The following KAT6A variants were observed in gnomAD, a reference collection of about 807,000 sequenced individuals.
The protein encoded by KAT6A is histone acetyltransferase KAT6A.
A neutral mutation model predicts 198.4 loss-of-function variants in KAT6A; 9 were observed. That is an observed-to-expected ratio of 0.05 (90% CI 0.03 to 0.08). The LOEUF (loss-of-function observed/expected upper bound fraction) is 0.08, where lower values mean the gene tolerates loss of function less well. Among genes scored for constraint, KAT6A ranks in the 10% least tolerant of loss-of-function variants. KAT6A has a pLI of 1.00. For missense variants in KAT6A, 2,077 were observed against 2,509.9 expected (o/e 0.83, Z 3.69); for synonymous variants, 890 against 883.0 (o/e 1.01, Z -0.14).
intron 3 of KAT6A, among the ~76,000 whole-genome samples, chr8:41,984,387 T>C (rs1028710830): frequency 5.9e-5 from 9 of 152,168 alleles, no homozygotes; most frequent in Non-Finnish European, 1.2e-4. Flanking sequence ...GATGTCCACA[T>C]GGCACGGAAC....
intron 2 of KAT6A, among the ~76,000 whole-genome samples, chr8:42,038,461 T>C (rs1292950396): frequency 6.6e-6 from 1 of 152,246 alleles, no homozygotes; most frequent in Non-Finnish European, 1.5e-5. Context: ...TATTCTATGG[T>C]TTCCATTAAG....
In KAT6A at chr8:41,931,204, A is replaced by C. The variant is rs1821524387; in HGVS notation, c.*1001T>G. The C allele has an allele frequency of 4.5e-6, 1 of 222,570 alleles. No individual in the cohort carries two copies. The highest frequency in any genetic ancestry group is 6.5e-5 in the East Asian group (1 of 15,308). 13.8% of individuals were successfully genotyped at this position (222,570 alleles called of 1,614,324 possible). The stretch of plus-strand genomic sequence containing the variant: ...CTGCTATTTGAGTTTTATCAGTCAA[A>C]GGCTCAAGCATCAAGACCCTCAGTT... On this transcript the variant is annotated 3_prime_UTR_variant, in exon 17 of 17. Coordinates refer to ENST00000265713, the MANE Select transcript of KAT6A (RefSeq NM_006766.5).
At chr8:41,976,821 T>C (rs919095940) in intron 7 of KAT6A, among the ~76,000 whole-genome samples, 187 bp downstream of exon 7, 6 of 152,228 alleles carry the variant, frequency 3.9e-5, no homozygotes, top group African/African-American at 1.2e-4. Context: ...TGCAACTTTA[T>C]TTCCATCCTC....
intron 2 of KAT6A, among the ~76,000 whole-genome samples, chr8:42,034,995 G>A (rs1827299434): frequency 6.6e-6 from 1 of 152,196 alleles, no homozygotes; most frequent in African/African-American, 2.4e-5. Context: ...TCATTTCTTA[G>A]TAAGATCATT....
chr8:42,000,483 A>C (rs1825439362), intron 2 of KAT6A, among the ~76,000 whole-genome samples: 1 of 151,162 alleles, frequency 6.6e-6, no homozygotes, highest in African/African-American at 2.4e-5. Context: ...CCCAGGAAGC[A>C]GAGGTTGCAG....
intron 6 of KAT6A, 71 bp from the exon 7 acceptor site, chr8:41,977,398 C>T (rs1824115767): frequency 2.0e-6 from 2 of 1,009,878 alleles, no homozygotes; most frequent in South Asian, 1.7e-5. Context: ...TAATACATAA[C>T]ATATAATTAG....
At chr8:41,954,665 T>C (rs1822840595) in intron 9 of KAT6A, among the ~76,000 whole-genome samples, 2 of 152,196 alleles carry the variant, frequency 1.3e-5, no homozygotes, top group African/African-American at 4.8e-5. Context: ...CCCCACGAAG[T>C]AAGTACTATT....
intron 5 of KAT6A, 79 bp downstream of exon 5, chr8:41,980,767 T>C (rs113547013): frequency 1.0e-6 from 1 of 977,190 alleles, no homozygotes; most frequent in African/African-American, 1.6e-5. Context: ...TATTATTTCA[T>C]TTAACAAAGT....
rs776847996 is a variant in KAT6A at position 41,980,857 on chromosome 8, C to A, written c.896G>T (p.Arg299Leu). Residue 299 changes from arginine (R) to leucine (L), a missense_variant, in exon 5 of 17, where the codon CGT becomes CTT. This residue lies in a region of KAT6A where 89 missense variants were observed against 154.4 expected (regional missense o/e 0.58). Transcript: ENST00000265713. Reference protein sequence around the residue: ...HMECCDPPLTRMPKGMWICQI... With the variant: ...HMECCDPPLTLMPKGMWICQI... ...AAAGTATTTCTCACCTTTTGGCATA[C>A]GGGTGAGTGGCGGATCACAACACTC... is the stretch of plus-strand genomic sequence containing the variant. 3 of 1,610,314 alleles carry A rather than the reference C, an allele frequency of 1.9e-6. No homozygotes were observed. Among genetic ancestry groups the A allele is most frequent in the South Asian group, 2.2e-5 (2 of 91,010 alleles).
chr8:41,961,550 C>T (rs1252733262), intron 8 of KAT6A, among the ~76,000 whole-genome samples: 1 of 152,030 alleles, frequency 6.6e-6, no homozygotes, highest in African/African-American at 2.4e-5. Flanking sequence ...GTCAAGAGAT[C>T]GAGACCATCC....
rs1821518378 is a variant in KAT6A, at chr8:41,931,087, T to G, written c.*1118A>C. On this transcript the variant is annotated 3_prime_UTR_variant, in exon 17 of 17. Coordinates refer to ENST00000265713, the MANE Select transcript of KAT6A (RefSeq NM_006766.5). The stretch of plus-strand genomic sequence containing the variant: ...CTCTTCCAACATAAAATAAACTGTT[T>G]CAATGGTTTGTCAGTTATTTTTCAA... 4.5e-6 allele frequency: 1 copy of G among 221,578 alleles called. No individual in the cohort carries two copies. Among genetic ancestry groups the G allele is most frequent in the South Asian group, 1.8e-4 (1 of 5,422 alleles). 13.7% of individuals were successfully genotyped at this position (221,578 alleles called of 1,614,324 possible).
At chr8:42,046,536 T>C (rs1280649545) in intron 2 of KAT6A, among the ~76,000 whole-genome samples, 2 of 152,040 alleles carry the variant, frequency 1.3e-5, no homozygotes, top group Non-Finnish European at 2.9e-5. Flanking sequence ...GTCTCAAAAA[T>C]AAATAAATAA....
In KAT6A at chr8:42,008,128, T is replaced by C. The variant is rs557032868; in HGVS notation, c.601-20565A>G. On this transcript the variant is annotated intron_variant, in intron 2 of 16. Coordinates refer to ENST00000265713, the MANE Select transcript of KAT6A (RefSeq NM_006766.5). ...ATAAAACAAACATTTGCAAATTCTG[T>C]ACTACTTAACCCCCCAAAAAAAACC... Among the ~76,000 whole-genome samples the C allele has an allele frequency of 5.3e-5, 8 of 152,206 alleles. 1 individual carries two copies. In the South Asian group the frequency reaches 1.5e-3, roughly 28 times the overall value.
At chr8:42,051,713 G>A (rs1405787965) in intron 1 of KAT6A, among the ~76,000 whole-genome samples, 188 bp downstream of exon 1, 1 of 145,672 alleles carries the variant, frequency 6.9e-6, no homozygotes. Context: ...GAGCGAGCGG[G>A]CGGGCGCGAG....
intron 2 of KAT6A, among the ~76,000 whole-genome samples, chr8:42,041,192 CAA>C (rs10595164): frequency 0.02 from 1,778 of 88,894 alleles, 30 homozygotes; most frequent in African/African-American, 0.068. Flanking sequence ...GATTCCGTCT[CAA>C]AAAAAAAAAA....
In KAT6A at chr8:41,932,476, T is replaced by G; in HGVS notation, c.5744A>C (p.Asn1915Thr). The stretch of plus-strand genomic sequence containing the variant: ...GTTCATGGCATTCAAGGTGTTCATA[T>G]TCATGGAATTGACATTATAGGCGGG... ...PTPAYNVNSM[N>T]MNTLNAMNSY... Residue 1915 changes from asparagine (N) to threonine (T), a missense_variant, in exon 17 of 17, where the codon AAT becomes ACT. Asn to Thr is a moderately conservative substitution (Grantham distance 65). Coordinates refer to ENST00000265713, the MANE Select transcript of KAT6A (RefSeq NM_006766.5). 1 of 1,614,264 alleles carries G rather than the reference T, an allele frequency of 6.2e-7. No individual in the cohort carries two copies. The highest frequency in any genetic ancestry group is 8.5e-7 in the Non-Finnish European group (1 of 1,180,046).
At chr8:41,947,401 A>G (rs978111834) in intron 11 of KAT6A, among the ~76,000 whole-genome samples, 2 of 152,258 alleles carry the variant, frequency 1.3e-5, no homozygotes, top group African/African-American at 4.8e-5. Flanking sequence ...TCTTATTTCT[A>G]TGCCTAAAGT....
chr8:41,986,066 G>C (rs556951783), intron 3 of KAT6A, among the ~76,000 whole-genome samples: 7 of 152,242 alleles, frequency 4.6e-5, no homozygotes, highest in African/African-American at 1.7e-4. Context: ...TCAGTCTCCT[G>C]AGTAGCTGGG....
chr8:41,951,658 C>T lies in KAT6A; in HGVS notation c.1599-2295G>A, dbSNP rs892719650. Among the ~76,000 whole-genome samples, 3 of 152,180 alleles carry T rather than the reference C, an allele frequency of 2.0e-5. 1 individual carries two copies. Among genetic ancestry groups the T allele is most frequent in the East Asian group, 1.9e-4 (1 of 5,186 alleles). On this transcript the variant is annotated intron_variant, in intron 9 of 16. Coordinates refer to ENST00000265713, the MANE Select transcript of KAT6A (RefSeq NM_006766.5). The stretch of plus-strand genomic sequence containing the variant: ...AAAGTCTGCCACAATGCTGATAACC[C>T]AGCCCATGGAATCAGGGCTGTGCTG...
Sources: allele counts gnomAD v4.1 joint callset (sites outside exome capture counted in the v4.1 genomes callset), GRCh38; gene constraint gnomAD v4.1.1; regional missense constraint gnomAD v4.1.1; transcripts MANE v1.5; gene names NCBI Gene and HGNC (gene_info 2026-07-23, HGNC 2026-07-21).